Variants in RIPOR2 observed in about 807,000 individuals in gnomAD.
RIPOR2 encodes RHO family interacting cell polarization regulator 2.
Under a neutral mutation model 114.5 loss-of-function variants are expected in RIPOR2, and 39 were observed. The observed-to-expected ratio is 0.34, with a 90% CI of 0.26 to 0.44. The LOEUF (loss-of-function observed/expected upper bound fraction) is 0.44. RIPOR2 is among the 20% of genes least tolerant of loss of function. The probability of loss-of-function intolerance (pLI) is 1.00; values close to 1 mark genes in which losing one functional copy is unlikely to be tolerated. For missense variants in RIPOR2, 1,007 were observed against 1,255.1 expected (o/e 0.80, Z 2.99); for synonymous variants, 445 against 484.4 (o/e 0.92, Z 1.07).
At chr6:24,849,413 A>C (rs530889342) in intron 11 of RIPOR2, among the ~76,000 whole-genome samples, 1 of 152,376 alleles carries the variant, frequency 6.6e-6, no homozygotes, top group East Asian at 1.9e-4. Context: ...CGTGAGAATC[A>C]GGATTTTTCT....
chr6:24,896,897 A>G (rs752468516), intron 1 of RIPOR2, among the ~76,000 whole-genome samples: 3 of 152,188 alleles, frequency 2.0e-5, no homozygotes, highest in Non-Finnish European at 4.4e-5. Context: ...GCAAGACTCC[A>G]TCTCAAAATA....
chr6:24,843,084 C>G lies in RIPOR2; in HGVS notation c.1635G>C (p.Gln545His). Residue 545 changes from glutamine (Q) to histidine (H), a missense_variant, in exon 13 of 22, where the codon CAG becomes CAC. Transcript: ENST00000643898. ...CTGCAGATGTGAGCCTCTTGACCAG[C>G]TGCTTTGTGATGTTTCCTTCCGAAG... ...LDTSEGNITK[Q>H]LVKRLTSAEV... is the part of the protein sequence containing the mutation. 1 of 1,613,870 alleles carries G rather than the reference C, an allele frequency of 6.2e-7. No homozygotes were observed. Among genetic ancestry groups the G allele is most frequent in the African/African-American group, 1.3e-5 (1 of 75,054 alleles).
intron 1 of RIPOR2, among the ~76,000 whole-genome samples, chr6:24,920,691 A>G (rs1470851881): frequency 6.6e-6 from 1 of 152,226 alleles, no homozygotes; most frequent in African/African-American, 2.4e-5. Context: ...GGACTTCATG[A>G]AGTCATCCAC....
chr6:24,904,380 T>C (rs958841390), intron 1 of RIPOR2, among the ~76,000 whole-genome samples: 15 of 152,196 alleles, frequency 9.9e-5, no homozygotes, highest in Non-Finnish European at 8.8e-5. Flanking sequence ...CTATGTTCCA[T>C]CTCCCTGATC....
chr6:24,845,434 T>C (rs1476411827), intron 12 of RIPOR2, among the ~76,000 whole-genome samples: 1 of 152,150 alleles, frequency 6.6e-6, no homozygotes, highest in Non-Finnish European at 1.5e-5. Context: ...GGGCCCTCCA[T>C]GTGGTTCCAC....
At position 24,839,314 on chromosome 6, in the gene RIPOR2, G is replaced by A. The variant is rs181400042; in HGVS notation, c.1858-42C>T. ...CACCAGGGAGAACATCAACATATCC[G>A]GAAAGAGAAACCAGACACACGATGC... On this transcript the variant is annotated intron_variant, in intron 13 of 21. Coordinates refer to ENST00000643898, the MANE Select transcript of RIPOR2 (RefSeq NM_001286445.3). 6.5e-5 allele frequency: 99 copies of A among 1,511,990 alleles called. No individual in the cohort carries two copies. The Middle Eastern group carries it at 8.6e-4, about 13-fold the overall frequency. 93.7% of individuals were successfully genotyped at this position (1,511,990 alleles called of 1,614,324 possible).
At chr6:25,017,599 C>A (rs920508315) in intron 1 of RIPOR2, among the ~76,000 whole-genome samples, 48 of 152,352 alleles carry the variant, frequency 3.2e-4, no homozygotes, top group African/African-American at 8.9e-4. Flanking sequence ...ACGCCTATCA[C>A]CCCTATTCAG....
intron 16 of RIPOR2, among the ~76,000 whole-genome samples, chr6:24,832,050 TG>T (rs1760730806): frequency 6.6e-6 from 1 of 152,188 alleles, no homozygotes; most frequent in African/African-American, 2.4e-5. Flanking sequence ...GGAGGCCCTC[TG>T]GAAAAAACTG....
intron 1 of RIPOR2, among the ~76,000 whole-genome samples, chr6:24,988,271 C>T (rs1224886764): frequency 3.3e-5 from 5 of 152,142 alleles, no homozygotes; most frequent in Non-Finnish European, 5.9e-5. Flanking sequence ...CTGCAACCTC[C>T]GCCTCCCAGA....
intron 1 of RIPOR2, among the ~76,000 whole-genome samples, chr6:24,947,586 C>T (rs1772491702): frequency 6.6e-6 from 1 of 152,118 alleles, no homozygotes; most frequent in East Asian, 1.9e-4. Context: ...TTTTCCTGAC[C>T]TGGGACTGGT....
chr6:24,947,399 G>T (rs1294421140), intron 1 of RIPOR2, among the ~76,000 whole-genome samples: 1 of 152,182 alleles, frequency 6.6e-6, no homozygotes, highest in African/African-American at 2.4e-5. Flanking sequence ...TTCCTCTTTT[G>T]TGTACTAGAA....
chr6:24,882,753 C>T (rs2207401), intron 1 of RIPOR2, among the ~76,000 whole-genome samples: 15,549 of 152,168 alleles, frequency 0.1, 1,083 homozygotes, highest in African/African-American at 0.2. Context: ...AATTTTGTAT[C>T]CTGCTTTTTC....
In RIPOR2 at chr6:24,810,845, C is replaced by T. The variant is rs138939028; in HGVS notation, c.2953-1038G>A. On this transcript the variant is annotated intron_variant, in intron 20 of 21. Coordinates refer to ENST00000643898, the MANE Select transcript of RIPOR2 (RefSeq NM_001286445.3). ...TTTGAGACAGAGTCTCATTCAGTCA[C>T]CCAGACTGGAGTACAGTGGCGTGAT... Among the ~76,000 whole-genome samples the T allele has an allele frequency of 2.3e-3, 357 of 152,172 alleles. 1 individual carries two copies. The highest frequency in any genetic ancestry group is 7.9e-3 in the African/African-American group (329 of 41,520).
chr6:24,890,652 T>G (rs1014997503), intron 1 of RIPOR2, among the ~76,000 whole-genome samples: 1 of 150,676 alleles, frequency 6.6e-6, no homozygotes, highest in African/African-American at 2.4e-5. Context: ...CCAATAGATT[T>G]TTTTCTTTTT....
At chr6:25,040,194 C>T (rs1392125965) in intron 1 of RIPOR2, among the ~76,000 whole-genome samples, 3 of 151,828 alleles carry the variant, frequency 2.0e-5, no homozygotes, top group African/African-American at 7.3e-5. Context: ...CCGCTCACTG[C>T]AATCTCCGCC....
At chr6:24,872,695 A>G (rs934832203) in intron 4 of RIPOR2, among the ~76,000 whole-genome samples, 186 bp downstream of exon 4, 4 of 152,208 alleles carry the variant, frequency 2.6e-5, no homozygotes, top group Non-Finnish European at 4.4e-5. Flanking sequence ...GAAAAGTATT[A>G]ACTAGAATGC....
Position 24,935,734 on chromosome 6 carries a change from T to C in RIPOR2, c.61+104A>G. 5 of 790,852 alleles carry C rather than the reference T, an allele frequency of 6.3e-6. No individual in the cohort carries two copies. In the Middle Eastern group the frequency reaches 1.2e-3, roughly 182 times the overall value. 49.0% of individuals were successfully genotyped at this position (790,852 alleles called of 1,614,324 possible). On this transcript the variant is annotated intron_variant, in intron 1 of 21. Coordinates refer to ENST00000643898, the MANE Select transcript of RIPOR2 (RefSeq NM_001286445.3). Reference sequence around the variant, plus strand: ...CACTCAGGATGCTTTGTTTTTATCATTTCAAAATACTCAAGTCCTTGCCCA... The same window carrying C: ...CACTCAGGATGCTTTGTTTTTATCACTTCAAAATACTCAAGTCCTTGCCCA...
intron 19 of RIPOR2, among the ~76,000 whole-genome samples, chr6:24,821,399 G>T (rs1009539138): frequency 3.3e-5 from 5 of 151,520 alleles, no homozygotes; most frequent in African/African-American, 1.2e-4. Context: ...GGTCAGGCTG[G>T]TCTCAAACTC....
intron 1 of RIPOR2, among the ~76,000 whole-genome samples, chr6:25,000,169 T>C (rs1775237721): frequency 3.9e-5 from 6 of 152,202 alleles, no homozygotes. Flanking sequence ...TGGTGTCTTT[T>C]CACCTGGACA....
Sources: gnomAD v4.1 joint callset for allele counts (sites outside exome capture counted in the v4.1 genomes callset) on GRCh38, gnomAD v4.1.1 for gene constraint, MANE v1.5 for transcripts, NCBI Gene and HGNC (gene_info 2026-07-23, HGNC 2026-07-21) for gene names.